MRTFB: variants seen among roughly 807,000 people sequenced by gnomAD.
MRTFB encodes myocardin-related transcription factor B.
In MRTFB, 29 loss-of-function variants were observed where a neutral mutation model predicts 104.2. That is an observed-to-expected ratio of 0.28 (90% confidence interval 0.21 to 0.38). MRTFB has a LOEUF of 0.38. MRTFB is among the 10% of genes least tolerant of loss of function. MRTFB has a pLI of 1.00. For synonymous variants in MRTFB, 535 were observed against 519.5 expected (o/e 1.03, Z -0.41); for missense variants, 1,270 against 1,341.6 (o/e 0.95, Z 0.83).
chr16:14,242,062 G>C (rs1418334445), intron 10 of MRTFB, among the ~76,000 whole-genome samples: 2 of 151,692 alleles, frequency 1.3e-5, no homozygotes, highest in African/African-American at 4.8e-5. Flanking sequence ...GCTTAAAACC[G>C]TGCATCATCC....
chr16:14,102,971 A>G (rs754911657), intron 2 of MRTFB, among the ~76,000 whole-genome samples: 52 of 152,294 alleles, frequency 3.4e-4, no homozygotes, highest in African/African-American at 1.2e-3. Context: ...GACCATTTGT[A>G]TATCAGCTCC....
At chr16:14,144,801 T>C (rs9929203) in intron 3 of MRTFB, 8,998 of 151,274 alleles carry the variant, frequency 0.059, 439 homozygotes, top group African/African-American at 0.13. Context: ...TACAAAAAAT[T>C]AGCCGGGCGT....
chr16:14,049,210 A>G, the MRTFB span, among the ~76,000 whole-genome samples: 9 of 152,234 alleles, frequency 5.9e-5, no homozygotes, highest in Non-Finnish European at 8.8e-5. Context: ...GAGGTTGAGA[A>G]AACTTGGACT....
At chr16:14,085,716 G>A (rs1181471797) in intron 2 of MRTFB, among the ~76,000 whole-genome samples, 2 of 152,156 alleles carry the variant, frequency 1.3e-5, no homozygotes, top group Admixed American at 1.3e-4. Flanking sequence ...TATTGTCATT[G>A]TTAGAATTAG....
chr16:14,000,076 G>A, the MRTFB span, among the ~76,000 whole-genome samples: 3 of 152,192 alleles, frequency 2.0e-5, no homozygotes, highest in Admixed American at 1.3e-4. Context: ...TCCAGGCTGC[G>A]TTGCCACATT....
chr16:14,081,384 C>G (rs2034390421), intron 2 of MRTFB, among the ~76,000 whole-genome samples: 1 of 151,734 alleles, frequency 6.6e-6, no homozygotes, highest in Admixed American at 6.6e-5. Context: ...CCTCCGCCTC[C>G]CGGATTCAAG....
At chr16:14,035,888 TC>T in the MRTFB span, among the ~76,000 whole-genome samples, 1 of 151,500 alleles carries the variant, frequency 6.6e-6, no homozygotes, top group South Asian at 2.1e-4. Flanking sequence ...TCCCACCCTT[TC>T]CCTCTGAGTC....
chr16:14,223,327 AAAAG>A (rs2041828094), intron 8 of MRTFB, among the ~76,000 whole-genome samples: 1 of 152,120 alleles, frequency 6.6e-6, no homozygotes, highest in Admixed American at 6.5e-5. Flanking sequence ...ACAAAAAAGA[AAAAG>A]AAAAATATGA....
At chr16:14,244,210 G>A (rs1383366739) in intron 10 of MRTFB, among the ~76,000 whole-genome samples, 3 of 152,090 alleles carry the variant, frequency 2.0e-5, no homozygotes, top group African/African-American at 7.2e-5. Context: ...CATCTTTGTT[G>A]GTGCTGATAG....
intron 6 of MRTFB, among the ~76,000 whole-genome samples, chr16:14,216,783 A>G (rs537126489): frequency 6.6e-6 from 1 of 152,284 alleles, no homozygotes; most frequent in Non-Finnish European, 1.5e-5. Context: ...ACCATGGGCC[A>G]CATCCGTCTT....
At chr16:14,192,864 T>C (rs1254373485) in intron 3 of MRTFB, among the ~76,000 whole-genome samples, 2 of 152,172 alleles carry the variant, frequency 1.3e-5, no homozygotes, top group African/African-American at 2.4e-5. Context: ...GTCCACCCAG[T>C]GGCTCCTGCC....
At chr16:14,102,916 G>C (rs1313561175) in intron 2 of MRTFB, among the ~76,000 whole-genome samples, 1 of 152,208 alleles carries the variant, frequency 6.6e-6, no homozygotes, top group Non-Finnish European at 1.5e-5. Context: ...GAAAGGAGAA[G>C]GTGAAGTAGA....
At chr16:14,107,500 AT>A (rs748689229) in intron 2 of MRTFB, among the ~76,000 whole-genome samples, 1 of 152,216 alleles carries the variant, frequency 6.6e-6, no homozygotes, top group Non-Finnish European at 1.5e-5. Context: ...TTTGGACCAG[AT>A]ACAAGGTTTA....
the MRTFB span, among the ~76,000 whole-genome samples, chr16:14,061,202 A>G: frequency 5.3e-5 from 8 of 152,128 alleles, no homozygotes; most frequent in African/African-American, 1.7e-4. Flanking sequence ...TGTGCCCACA[A>G]TGGGTTGGCT....
intron 2 of MRTFB, among the ~76,000 whole-genome samples, chr16:14,126,152 A>G (rs190084560): frequency 5.1e-4 from 77 of 152,344 alleles, no homozygotes; most frequent in African/African-American, 1.9e-3. Context: ...TTCAAGAAGT[A>G]ACTTTAGAAA....
intron 13 of MRTFB, among the ~76,000 whole-genome samples, chr16:14,249,508 T>G (rs902804646): frequency 2.0e-5 from 3 of 152,220 alleles, no homozygotes; most frequent in African/African-American, 2.4e-5. Flanking sequence ...TGAAATACAT[T>G]TGTAAGACTT....
chr16:14,074,065 CTTT>C (rs5815814), intron 1 of MRTFB, among the ~76,000 whole-genome samples: 14 of 151,656 alleles, frequency 9.2e-5, no homozygotes, highest in Non-Finnish European at 1.8e-4. Flanking sequence ...GTTTATTTGG[CTTT>C]TTTTTGTTGA....
the MRTFB span, among the ~76,000 whole-genome samples, chr16:14,030,683 G>A: frequency 1.3e-5 from 2 of 152,238 alleles, no homozygotes; most frequent in East Asian, 1.9e-4. Context: ...GGAAACAAAC[G>A]CAGAAACTCA....
chr16:14,007,940 G>C, the MRTFB span, among the ~76,000 whole-genome samples: 1 of 152,112 alleles, frequency 6.6e-6, no homozygotes, highest in African/African-American at 2.4e-5. Flanking sequence ...TTTTATTATT[G>C]AGTGGTAATC....
Sources: allele counts gnomAD v4.1 joint callset (sites outside exome capture counted in the v4.1 genomes callset), GRCh38; gene constraint gnomAD v4.1.1; transcripts MANE v1.5; gene names NCBI Gene and HGNC (gene_info 2026-07-23, HGNC 2026-07-21).